CCT4: variants seen among roughly 807,000 people sequenced by gnomAD.
CCT4 encodes chaperonin containing TCP1 subunit 4, also known as T-complex protein 1 subunit delta.
In CCT4, 17 loss-of-function variants were observed where a neutral mutation model predicts 62.5. The ratio of observed to expected loss-of-function variants is 0.27; its 90% CI spans 0.19 to 0.41. The LOEUF (loss-of-function observed/expected upper bound fraction) is 0.41, where lower values mean the gene tolerates loss of function less well. Among genes scored for constraint, CCT4 ranks in the 10% least tolerant of loss-of-function variants. The pLI is 1.00. For synonymous variants in CCT4, 250 were observed against 229.9 expected, an observed-to-expected ratio of 1.09 and a Z score of -0.79; for missense variants, 592 against 659.2, an observed-to-expected ratio of 0.90 and a Z score of 1.12.
chr2:61,869,507 AAC>A lies in CCT4; in HGVS notation c.1536_1537del (p.Leu513GlyfsTer11). 1 of 1,612,654 alleles carries A rather than the reference AAC, an allele frequency of 6.2e-7. No individual in the cohort carries two copies. Among genetic ancestry groups the A allele is most frequent in the Non-Finnish European group, 8.5e-7 (1 of 1,178,634 alleles). On this transcript the variant is annotated frameshift_variant, in exon 13 of 14. Transcript: ENST00000394440. LOFTEE classifies it high-confidence loss of function. ...AAGAGTCAGAGCACTGACTGATACCAACAGAGGCTGGACAACCAGTTCCTCCA... is the reference window on the plus strand; with the variant it reads ...AAGAGTCAGAGCACTGACTGATACCAAGAGGCTGGACAACCAGTTCCTCCA...
intron 3 of CCT4, among the ~76,000 whole-genome samples, 193 bp downstream of exon 3, chr2:61,883,266 C>T (rs979833009): frequency 2.6e-5 from 4 of 151,880 alleles, no homozygotes; most frequent in Non-Finnish European, 5.9e-5. Context: ...ACTGAAAATA[C>T]AAAAATCAAC....
At position 61,873,116 on chromosome 2, in the gene CCT4, G is replaced by GA. The variant is rs774351359; in HGVS notation, c.1015-5dup. The stretch of plus-strand genomic sequence containing the variant: ...CAACTGGCTTGGTTCCAATTGTCTG[G>GA]AAAAAACAGTCAAATCCACAAATTA... On this transcript the variant is annotated splice_polypyrimidine_tract_variant and splice_region_variant and intron_variant, in intron 9 of 13. Coordinates refer to ENST00000394440, the MANE Select transcript of CCT4 (RefSeq NM_006430.4). The GA allele has an allele frequency of 7.0e-6, 11 of 1,576,764 alleles. No individual in the cohort carries two copies. The highest frequency in any genetic ancestry group is 3.3e-5 in the Admixed American group (2 of 59,874).
chr2:61,888,620 G>A lies in CCT4; in HGVS notation c.-113C>T, dbSNP rs1056843830. 8 of 1,299,352 alleles carry A rather than the reference G, an allele frequency of 6.2e-6. No individual in the cohort carries two copies. The highest frequency in any genetic ancestry group is 6.0e-5 in the African/African-American group (4 of 66,256). The allele number at this position is 1,299,352 out of a possible 1,614,324, so 80.5% of individuals were successfully genotyped here. A position where few individuals can be genotyped will look rare whatever the true frequency, so the allele number is the denominator to read the frequency against. On this transcript the variant is annotated 5_prime_UTR_variant, in exon 1 of 14. Coordinates refer to ENST00000394440, the MANE Select transcript of CCT4 (RefSeq NM_006430.4). The stretch of plus-strand genomic sequence containing the variant: ...ACTGCCTTCACGAACCTTCCAGAAA[G>A]CGGCGCCGGCGTCGGGAGGAGGCGG...
At chr2:61,878,478 C>T (rs1014355490) in intron 5 of CCT4, among the ~76,000 whole-genome samples, 2 of 152,036 alleles carry the variant, frequency 1.3e-5, no homozygotes, top group Non-Finnish European at 2.9e-5. Context: ...TTGAAGAGGA[C>T]AATAAATGTA....
At chr2:61,877,752 G>A (rs561680922) in intron 5 of CCT4, among the ~76,000 whole-genome samples, 62 of 152,044 alleles carry the variant, frequency 4.1e-4, no homozygotes, top group Non-Finnish European at 8.2e-4. Context: ...TAATAGCCGG[G>A]ACTGTAGAAT....
rs189325505 is a variant in CCT4, at chr2:61,874,107, C to T, written c.918-814G>A. Reference sequence around the variant, plus strand: ...CCACAAATTTACACTTCCCCATGAACTGTGAATAACAACTCTGTGATACTA... The same window carrying T: ...CCACAAATTTACACTTCCCCATGAATTGTGAATAACAACTCTGTGATACTA... On this transcript the variant is annotated intron_variant, in intron 8 of 13. Coordinates refer to ENST00000394440, the MANE Select transcript of CCT4 (RefSeq NM_006430.4). Among the ~76,000 whole-genome samples the T allele has an allele frequency of 8.4e-4, 128 of 152,240 alleles. No homozygotes were observed. The Middle Eastern group carries it at 0.02, about 24-fold the overall frequency.
chr2:61,868,785 A>C, intron 13 of CCT4, 79 bp from the exon 14 acceptor site: 1 of 1,020,264 alleles, frequency 9.8e-7, no homozygotes, highest in South Asian at 1.3e-5. Flanking sequence ...GCAATTAATA[A>C]AAGGAAAACC....
chr2:61,872,711 A>G, intron 10 of CCT4, 123 bp from the exon 11 acceptor site: 2 of 906,718 alleles, frequency 2.2e-6, no homozygotes, highest in Non-Finnish European at 3.4e-6. Flanking sequence ...GTGGCTAACG[A>G]GGTGAGGAGA....
intron 5 of CCT4, 26 bp downstream of exon 5, chr2:61,878,843 C>G (rs764989036): frequency 1.6e-5 from 25 of 1,559,784 alleles, no homozygotes; most frequent in Non-Finnish European, 2.1e-5. Context: ...ACTAATTTGA[C>G]AAGTATCCGT....
At chr2:61,880,232 A>AG in intron 4 of CCT4, 54 bp downstream of exon 4, 1 of 782,912 alleles carries the variant, frequency 1.3e-6, no homozygotes, top group Non-Finnish European at 1.8e-6. Context: ...GGCTTTTCCT[A>AG]AAGTTTGTTT....
rs111946452 is a variant in CCT4, at chr2:61,886,765, C to CT, written c.127+1615dup. On this transcript the variant is annotated intron_variant, in intron 1 of 13. Coordinates refer to ENST00000394440, the MANE Select transcript of CCT4 (RefSeq NM_006430.4). ...AAACTCTCTTGGCCCCCAAATTTATCTTTTTTTTTTTTTGAGACGGAGTTT... is the reference window on the plus strand; with the variant it reads ...AAACTCTCTTGGCCCCCAAATTTATCTTTTTTTTTTTTTTGAGACGGAGTTT... Among the ~76,000 whole-genome samples the CT allele has an allele frequency of 5.3e-3, 772 of 145,694 alleles. 4 individuals carry two copies. Among genetic ancestry groups the CT allele is most frequent in the African/African-American group, 0.015 (591 of 40,052 alleles).
intron 13 of CCT4, among the ~76,000 whole-genome samples, chr2:61,869,211 C>T (rs1031981813): frequency 2.0e-5 from 3 of 150,410 alleles, no homozygotes; most frequent in African/African-American, 4.9e-5. Flanking sequence ...TGGCTCACAC[C>T]TGTAATCCCA....
chr2:61,878,414 C>T lies in CCT4; in HGVS notation c.522+455G>A, dbSNP rs528454850. ...GTTAGCGGTCCTTGGATAAGTTACT[C>T]CTCTAGATCTACTCTTTTCATCTAT... is the stretch of plus-strand genomic sequence containing the variant. On this transcript the variant is annotated intron_variant, in intron 5 of 13. Transcript: ENST00000394440. Among the ~76,000 whole-genome samples, 25 of 152,256 alleles carry T rather than the reference C, an allele frequency of 1.6e-4. No individual in the cohort carries two copies. The East Asian group carries it at 4.8e-3, about 29-fold the overall frequency.
rs142804657 is a variant in CCT4, at chr2:61,877,173, T to A, written c.645-121A>T. On this transcript the variant is annotated intron_variant, in intron 6 of 13. Transcript: ENST00000394440. The stretch of plus-strand genomic sequence containing the variant: ...ATATGATTCAGCCTCACATTTATTA[T>A]TGCCCCACTCCTGGATCTCTTTGAT... The A allele has an allele frequency of 1.6e-3, 1,605 of 977,786 alleles. 17 individuals carry two copies. In the African/African-American group the frequency reaches 0.023, roughly 14 times the overall value. 60.6% of individuals were successfully genotyped at this position (977,786 alleles called of 1,614,324 possible).
At chr2:61,886,884 C>T (rs1291509792) in intron 1 of CCT4, among the ~76,000 whole-genome samples, 1 of 152,056 alleles carries the variant, frequency 6.6e-6, no homozygotes, top group African/African-American at 2.4e-5. Context: ...CTCAGCCTCC[C>T]GAGTAGCTGG....
At chr2:61,877,089 G>T (rs775653936) in intron 6 of CCT4, 37 bp from the exon 7 acceptor site, 1 of 1,584,720 alleles carries the variant, frequency 6.3e-7, no homozygotes, top group Admixed American at 1.7e-5. Flanking sequence ...GTAGTTAAGA[G>T]GGAGTGGACA....
At chr2:61,880,973 C>T (rs1472728162) in intron 3 of CCT4, among the ~76,000 whole-genome samples, 1 of 152,146 alleles carries the variant, frequency 6.6e-6, no homozygotes, top group African/African-American at 2.4e-5. Flanking sequence ...GATCCTCCTG[C>T]TTCAGCCTCC....
intron 3 of CCT4, 134 bp downstream of exon 3, chr2:61,883,325 G>A (rs1669157336): frequency 1.8e-6 from 1 of 560,884 alleles, no homozygotes; most frequent in Non-Finnish European, 3.1e-6. Context: ...GGAGGCTGAG[G>A]CAGGAGAAAT....
intron 1 of CCT4, among the ~76,000 whole-genome samples, chr2:61,886,912 A>G (rs888814272): frequency 6.6e-6 from 1 of 152,088 alleles, no homozygotes; most frequent in African/African-American, 2.4e-5. Context: ...GGCCTACGCC[A>G]ACACACCCAC....
Sources: gnomAD v4.1 joint callset for allele counts (sites outside exome capture counted in the v4.1 genomes callset) on GRCh38, gnomAD v4.1.1 for gene constraint, MANE v1.5 for transcripts, NCBI Gene and HGNC (gene_info 2026-07-23, HGNC 2026-07-21) for gene names.